ERBIN: variants seen among roughly 807,000 people sequenced by gnomAD.
ERBIN encodes densin-180-like protein.
Under a neutral mutation model 158.4 loss-of-function variants are expected in ERBIN, and 60 were observed. The ratio of observed to expected loss-of-function variants is 0.38; its 90% CI spans 0.31 to 0.47. ERBIN has a LOEUF of 0.47. Ranked by LOEUF, ERBIN falls within the 20% of genes least tolerant of loss-of-function variation. ERBIN has a pLI of 0.99. For synonymous variants in ERBIN, 594 were observed against 557.2 expected, an observed-to-expected ratio of 1.07 and a Z score of -0.93; for missense variants, 1,610 against 1,648.0, an observed-to-expected ratio of 0.98 and a Z score of 0.40.
In ERBIN at chr5:66,072,943, C is replaced by T. The variant is rs1761660552; in HGVS notation, c.3756+652C>T. On this transcript the variant is annotated intron_variant, in intron 22 of 25. Transcript: ENST00000284037. ...CTCTTCAGAGTAGCTACCTGGTCAT[C>T]TAATATATAAGTTCATAAGTCATCT... is the stretch of plus-strand genomic sequence containing the variant. 2.0e-5 allele frequency among the ~76,000 whole-genome samples: 3 copies of T among 152,124 alleles called. No individual in the cohort carries two copies. The South Asian group carries it at 6.2e-4, about 31-fold the overall frequency.
intron 25 of ERBIN, among the ~76,000 whole-genome samples, chr5:66,077,789 C>CACACACACAT (rs1554070532): frequency 6.1e-5 from 8 of 131,926 alleles, no homozygotes; most frequent in African/African-American, 2.4e-4. Flanking sequence ...CACACACACA[C>CACACACACAT]ACACATACAC....
At chr5:66,025,245 T>G (rs1756111261) in intron 10 of ERBIN, 1 of 476,296 alleles carries the variant, frequency 2.1e-6, no homozygotes, top group African/African-American at 2.0e-5. Context: ...ATCAGTATAT[T>G]TTAGTGGGAG....
rs757254515 is a variant in ERBIN at position 66,075,096 on chromosome 5, C to T, written c.3829C>T (p.Pro1277Ser). ...QANYSQIHHPPQASVARHPSR... is the reference protein window; with the variant it reads ...QANYSQIHHPSQASVARHPSR... ...AAATTATAGTCAAATACATCACCCC[C>T]CTCAGGCATCTGTGGCAAGGCATCC... Residue 1277 changes from proline to serine, a missense_variant, in exon 23 of 26, where the codon CCT becomes TCT. Pro to Ser is a moderately conservative substitution (Grantham distance 74). Coordinates refer to ENST00000284037, the MANE Select transcript of ERBIN (RefSeq NM_001253697.2). 3.7e-6 allele frequency: 6 copies of T among 1,614,056 alleles called. No individual in the cohort carries two copies. The African/African-American group carries it at 5.3e-5, about 14-fold the overall frequency.
intron 15 of ERBIN, 65 bp from the exon 16 acceptor site, chr5:66,043,012 G>A: frequency 8.2e-7 from 1 of 1,226,684 alleles, no homozygotes; most frequent in Non-Finnish European, 1.2e-6. Context: ...GAAATTATGA[G>A]CAAGTGATAG....
chr5:66,076,954 TTAAAA>T lies in ERBIN; in HGVS notation c.4131+10_4131+14del. 6.4e-7 allele frequency: 1 copy of T among 1,570,852 alleles called. No homozygotes were observed. The highest frequency in any genetic ancestry group is 8.7e-7 in the Non-Finnish European group (1 of 1,149,352). On this transcript the variant is annotated splice_donor_region_variant and intron_variant, in intron 25 of 25. Transcript: ENST00000284037. ...CCAGGTGATAAAATTATTCAGGTAA[TTAAAA>T]TAAATCTTTTTTTTTTTCATTTTAT... is the stretch of plus-strand genomic sequence containing the variant.
At position 65,979,428 on chromosome 5, in the gene ERBIN, A is replaced by C. The variant is rs190553083; in HGVS notation, c.-57-9207A>C. ...GGTGACTGAGACCCTGTCTGGAAAAAAACCCGCAAACCAAATGAGTAAAAA... is the reference window on the plus strand; with the variant it reads ...GGTGACTGAGACCCTGTCTGGAAAACAACCCGCAAACCAAATGAGTAAAAA... On this transcript the variant is annotated intron_variant, in intron 1 of 25. Coordinates refer to ENST00000284037, the MANE Select transcript of ERBIN (RefSeq NM_001253697.2). Among the ~76,000 whole-genome samples the C allele has an allele frequency of 1.1e-3, 169 of 152,272 alleles. 1 individual carries two copies. The highest frequency in any genetic ancestry group is 1.9e-3 in the Non-Finnish European group (130 of 68,028).
intron 12 of ERBIN, 100 bp from the exon 13 acceptor site, chr5:66,026,202 A>C (rs1756232627): frequency 1.3e-6 from 1 of 780,180 alleles, no homozygotes; most frequent in African/African-American, 1.8e-5. Context: ...TCTTCTATAA[A>C]TGTGAAGTAT....
At chr5:66,019,095 A>G (rs73763060) in intron 7 of ERBIN, among the ~76,000 whole-genome samples, 8,771 of 152,154 alleles carry the variant, frequency 0.058, 881 homozygotes, top group African/African-American at 0.2. Context: ...TTTTTTGGTG[A>G]AGTCCTTAGA....
intron 21 of ERBIN, among the ~76,000 whole-genome samples, chr5:66,061,473 C>G (rs1313734025): frequency 3.3e-5 from 5 of 152,192 alleles, no homozygotes; most frequent in Non-Finnish European, 7.3e-5. Context: ...ATACAGCACA[C>G]TGATGGGTCT....
intron 1 of ERBIN, among the ~76,000 whole-genome samples, chr5:65,979,445 G>C (rs1176565049): frequency 6.6e-6 from 1 of 152,050 alleles, no homozygotes; most frequent in Non-Finnish European, 1.5e-5. Flanking sequence ...CAAACCAAAT[G>C]AGTAAAAATT....
At chr5:65,982,714 A>G (rs1171461211) in intron 1 of ERBIN, among the ~76,000 whole-genome samples, 1 of 152,220 alleles carries the variant, frequency 6.6e-6, no homozygotes, top group Non-Finnish European at 1.5e-5. Context: ...TGTAATTGGA[A>G]TTCTATTTGC....
chr5:66,076,678 C>G, intron 24 of ERBIN, 197 bp from the exon 25 acceptor site: 1 of 601,606 alleles, frequency 1.7e-6, no homozygotes, highest in South Asian at 2.2e-5. Flanking sequence ...AATTTTATTA[C>G]TCTCAAGAGA....
In ERBIN at chr5:65,946,228, G is replaced by A. The variant is rs978999550; in HGVS notation, c.-58+19422G>A. ...AAAATACAAAAATCAGGTGGGTGTG[G>A]TGGTGTGTGCCTGTAGTCTCAGCTA... is the stretch of plus-strand genomic sequence containing the variant. On this transcript the variant is annotated intron_variant, in intron 1 of 25. Coordinates refer to ENST00000284037, the MANE Select transcript of ERBIN (RefSeq NM_001253697.2). Among the ~76,000 whole-genome samples, 14 of 152,092 alleles carry A rather than the reference G, an allele frequency of 9.2e-5. 1 individual carries two copies. The highest frequency in any genetic ancestry group is 6.2e-4 in the South Asian group (3 of 4,830).
At chr5:65,986,070 T>C (rs1452862131) in intron 1 of ERBIN, among the ~76,000 whole-genome samples, 1 of 152,166 alleles carries the variant, frequency 6.6e-6, no homozygotes, top group African/African-American at 2.4e-5. Flanking sequence ...GCCATTGAAC[T>C]TGTTCTCTTT....
chr5:66,004,139 G>A (rs530001015), intron 4 of ERBIN, among the ~76,000 whole-genome samples: 25 of 142,876 alleles, frequency 1.7e-4, no homozygotes, highest in African/African-American at 6.3e-4. Flanking sequence ...ATGGGGTTTT[G>A]CCATGTTGCC....
chr5:65,949,535 G>T (rs1438843315), intron 1 of ERBIN, among the ~76,000 whole-genome samples: 1 of 152,208 alleles, frequency 6.6e-6, no homozygotes, highest in Non-Finnish European at 1.5e-5. Flanking sequence ...TCCAGCTAAT[G>T]TTCAGCCATT....
chr5:66,026,878 C>G (rs1756314616), intron 13 of ERBIN, among the ~76,000 whole-genome samples: 1 of 151,926 alleles, frequency 6.6e-6, no homozygotes, highest in Non-Finnish European at 1.5e-5. Context: ...ACATCTTCAC[C>G]TGAATATTGC....
chr5:66,067,040 C>T (rs979049649), intron 21 of ERBIN, among the ~76,000 whole-genome samples: 4 of 152,160 alleles, frequency 2.6e-5, no homozygotes, highest in African/African-American at 9.7e-5. Context: ...CATTAAAGCT[C>T]TCTGCACAGC....
At chr5:66,002,628 G>T (rs867666937) in intron 4 of ERBIN, among the ~76,000 whole-genome samples, 2 of 152,146 alleles carry the variant, frequency 1.3e-5, no homozygotes, top group Admixed American at 1.3e-4. Context: ...CTTTTTAGTT[G>T]AGTCAAAAAG....
Sources: gnomAD v4.1 joint callset for allele counts (sites outside exome capture counted in the v4.1 genomes callset) on GRCh38, gnomAD v4.1.1 for gene constraint, MANE v1.5 for transcripts, NCBI Gene and HGNC (gene_info 2026-07-23, HGNC 2026-07-21) for gene names.